Variants in SPATA13 observed in about 807,000 individuals in gnomAD.
SPATA13 encodes spermatogenesis associated 13, also known as spermatogenesis-associated protein 13.
In SPATA13, 50 loss-of-function variants were observed where a neutral mutation model predicts 104.0. That is an observed-to-expected ratio of 0.48 (90% CI 0.38 to 0.61). The LOEUF (loss-of-function observed/expected upper bound fraction) is 0.61, where lower values mean the gene tolerates loss of function less well. Among genes scored for constraint, SPATA13 ranks in the 20% least tolerant of loss-of-function variants. The probability of loss-of-function intolerance (pLI) is 0.00; values close to 1 mark genes in which losing one functional copy is unlikely to be tolerated. For synonymous variants in SPATA13, 606 were observed against 667.5 expected (o/e 0.91, Z 1.42); for missense variants, 1,524 against 1,690.6 (o/e 0.90, Z 1.73).
intron 3 of SPATA13, among the ~76,000 whole-genome samples, chr13:24,138,750 ATTTTTTT>A (rs11354139): frequency 3.6e-5 from 4 of 112,628 alleles, no homozygotes; most frequent in Non-Finnish European, 7.1e-5. Context: ...CCCCTGGCTA[ATTTTTTT>A]TTTTTTTTTT....
At chr13:23,990,584 C>T (rs1163843985) in intron 2 of SPATA13, among the ~76,000 whole-genome samples, 1 of 152,142 alleles carries the variant, frequency 6.6e-6, no homozygotes, top group East Asian at 1.9e-4. Context: ...TCTTGCCCAA[C>T]ACTCCCCAGC....
At chr13:24,191,757 G>A (rs533078223) in intron 1 of SPATA13, among the ~76,000 whole-genome samples, 4 of 152,012 alleles carry the variant, frequency 2.6e-5, no homozygotes, top group Admixed American at 6.6e-5. Context: ...TGATCCGCCC[G>A]CCTCAGTCTC....
At chr13:24,241,033 G>C (rs1276701071) in intron 2 of SPATA13, among the ~76,000 whole-genome samples, 1 of 152,076 alleles carries the variant, frequency 6.6e-6, no homozygotes, top group African/African-American at 2.4e-5. Flanking sequence ...CACGATTACT[G>C]ACATGCATGT....
chr13:24,235,457 T>C (rs898256898), intron 2 of SPATA13, among the ~76,000 whole-genome samples: 2 of 152,080 alleles, frequency 1.3e-5, no homozygotes, highest in African/African-American at 4.8e-5. Flanking sequence ...AAGCAAGAAA[T>C]GGTGTGATAA....
At chr13:24,080,332 A>G (rs1196901219) in intron 3 of SPATA13, among the ~76,000 whole-genome samples, 3 of 152,260 alleles carry the variant, frequency 2.0e-5, no homozygotes, top group African/African-American at 4.8e-5. Flanking sequence ...CTGCTATGGA[A>G]TGAATGGGCT....
intron 3 of SPATA13, among the ~76,000 whole-genome samples, chr13:24,033,362 G>A (rs927582831): frequency 1.3e-5 from 2 of 152,226 alleles, no homozygotes; most frequent in African/African-American, 4.8e-5. Flanking sequence ...GGGGCTCATT[G>A]CATTTCCCTC....
intron 12 of SPATA13, 123 bp from the exon 13 acceptor site, chr13:24,302,459 CAAAAAAAAAAAAAAAA>C (rs71070678): frequency 6.0e-4 from 117 of 193,976 alleles, no homozygotes; most frequent in Middle Eastern, 1.9e-3. Flanking sequence ...GACCCTGTCT[CAAAAAAAAAAAAAAAA>C]AAAAAAAAAA....
At chr13:24,290,628 C>T (rs774721524) in intron 8 of SPATA13, 24 bp from the exon 9 acceptor site, 10 of 1,595,754 alleles carry the variant, frequency 6.3e-6, no homozygotes, top group Admixed American at 5.0e-5. Flanking sequence ...CAGAAGCTGA[C>T]GAAGCTGTAC....
intron 2 of SPATA13, among the ~76,000 whole-genome samples, chr13:24,246,876 A>G (rs978687606): frequency 2.6e-5 from 4 of 151,904 alleles, no homozygotes; most frequent in African/African-American, 9.7e-5. Flanking sequence ...AAAAAAAGTG[A>G]CTCAAGGAGG....
intron 2 of SPATA13, among the ~76,000 whole-genome samples, chr13:23,984,242 C>T (rs1875044261): frequency 6.6e-6 from 1 of 152,206 alleles, no homozygotes; most frequent in Admixed American, 6.5e-5. Context: ...TGTTTCAAGT[C>T]AGCTAAAGAA....
chr13:24,089,545 T>C (rs1879848340), intron 3 of SPATA13, among the ~76,000 whole-genome samples: 1 of 152,206 alleles, frequency 6.6e-6, no homozygotes, highest in Admixed American at 6.5e-5. Context: ...CCCTCTGGGC[T>C]AGGGCAATCA....
At chr13:24,086,317 C>A (rs4770574) in intron 3 of SPATA13, among the ~76,000 whole-genome samples, 1 of 152,002 alleles carries the variant, frequency 6.6e-6, no homozygotes. Context: ...CACTGGGTGT[C>A]CTGTGCTTTA....
At chr13:24,266,377 T>G (rs2138687523) in intron 4 of SPATA13, among the ~76,000 whole-genome samples, 1 of 152,104 alleles carries the variant, frequency 6.6e-6, no homozygotes, top group Admixed American at 6.5e-5. Flanking sequence ...CTCGATCTCC[T>G]GGGCTCAAGG....
At chr13:24,210,922 A>T (rs900162863) in intron 1 of SPATA13, among the ~76,000 whole-genome samples, 2 of 151,924 alleles carry the variant, frequency 1.3e-5, no homozygotes, top group African/African-American at 2.4e-5. Context: ...TTCTTTCATC[A>T]ATGTTTTATA....
chr13:24,081,596 C>T (rs1402533573), intron 3 of SPATA13, among the ~76,000 whole-genome samples: 1 of 152,018 alleles, frequency 6.6e-6, no homozygotes, highest in Non-Finnish European at 1.5e-5. Context: ...ATTGCTTGAG[C>T]GCAGGAGTTC....
intron 3 of SPATA13, among the ~76,000 whole-genome samples, chr13:24,073,276 C>G (rs1368024025): frequency 2.0e-5 from 3 of 152,164 alleles, no homozygotes; most frequent in African/African-American, 7.2e-5. Context: ...ATCCCACTAC[C>G]CCAAGATAGA....
At chr13:24,157,061 C>G (rs1222074125), upstream of SPATA13, among the ~76,000 whole-genome samples, 11 of 152,318 alleles carry the variant, frequency 7.2e-5, no homozygotes, top group South Asian at 1.7e-3. Context: ...CTCCCAGCTC[C>G]TTTGCCTCTG....
chr13:24,198,515 A>G (rs1026274614), intron 1 of SPATA13, among the ~76,000 whole-genome samples: 1 of 152,208 alleles, frequency 6.6e-6, no homozygotes, highest in Non-Finnish European at 1.5e-5. Context: ...AATAAAATCC[A>G]TAGGAATCTC....
chr13:24,181,571 G>A (rs1409990945), intron 1 of SPATA13, among the ~76,000 whole-genome samples: 2 of 151,858 alleles, frequency 1.3e-5, no homozygotes, highest in Non-Finnish European at 2.9e-5. Context: ...AGACAGAAAC[G>A]TACACATTAG....
Sources: gnomAD v4.1 joint callset for allele counts (sites outside exome capture counted in the v4.1 genomes callset) on GRCh38, gnomAD v4.1.1 for gene constraint, MANE v1.5 for transcripts, NCBI Gene and HGNC (gene_info 2026-07-23, HGNC 2026-07-21) for gene names.